Variants in BTBD16 observed in about 807,000 individuals in gnomAD.
BTBD16 encodes BTB/POZ domain-containing protein 16.
Under a neutral mutation model 67.4 loss-of-function variants are expected in BTBD16, and 66 were observed. The ratio of observed to expected loss-of-function variants is 0.98; its 90% confidence interval spans 0.80 to 1.20. The LOEUF (loss-of-function observed/expected upper bound fraction) is 1.20, where lower values mean the gene tolerates loss of function less well. BTBD16 is among the 50% of genes most tolerant of loss of function. The probability of loss-of-function intolerance (pLI) is 0.00; values close to 1 mark genes in which losing one functional copy is unlikely to be tolerated. For synonymous variants in BTBD16, 242 were observed against 236.4 expected (o/e 1.02, Z -0.22); for missense variants, 634 against 616.0 (o/e 1.03, Z -0.31).
intron 10 of BTBD16, among the ~76,000 whole-genome samples, chr10:122,310,782 T>G (rs2096412436): frequency 6.6e-6 from 1 of 152,204 alleles, no homozygotes; most frequent in Non-Finnish European, 1.5e-5. Context: ...CGTCACATTA[T>G]GGGAACTGAC....
At chr10:122,287,095 C>T (rs1428509463) in intron 5 of BTBD16, among the ~76,000 whole-genome samples, 1 of 152,246 alleles carries the variant, frequency 6.6e-6, no homozygotes, top group Non-Finnish European at 1.5e-5. Context: ...GAGAGCCCCA[C>T]TGCCTGCGGG....
intron 1 of BTBD16, among the ~76,000 whole-genome samples, chr10:122,272,943 C>T (rs1027810002): frequency 3.3e-5 from 5 of 152,000 alleles, no homozygotes; most frequent in African/African-American, 1.2e-4. Context: ...TAAAAGAATG[C>T]TCAACCCCAC....
At chr10:122,305,341 A>G (rs2096401805) in intron 9 of BTBD16, among the ~76,000 whole-genome samples, 1 of 152,160 alleles carries the variant, frequency 6.6e-6, no homozygotes, top group South Asian at 2.1e-4. Flanking sequence ...AGTGTTGGAG[A>G]TGGGACCTGG....
intron 3 of BTBD16, among the ~76,000 whole-genome samples, chr10:122,280,382 C>T (rs1442095910): frequency 6.6e-6 from 1 of 151,838 alleles, no homozygotes; most frequent in Non-Finnish European, 1.5e-5. Context: ...GGAGGGGGCA[C>T]CCCCACGAAG....
chr10:122,332,031 T>A (rs186879282), intron 12 of BTBD16: 2 of 178,940 alleles, frequency 1.1e-5, no homozygotes, highest in African/African-American at 4.7e-5. Flanking sequence ...TCTGCCCACC[T>A]CCTTCCTTTT....
At chr10:122,311,854 C>T (rs773445591) in intron 10 of BTBD16, among the ~76,000 whole-genome samples, 45 of 152,220 alleles carry the variant, frequency 3.0e-4, no homozygotes, top group Non-Finnish European at 3.2e-4. Context: ...AATACATCTT[C>T]CCTTTTCTTG....
chr10:122,324,064 C>A (rs2096440038), intron 10 of BTBD16, among the ~76,000 whole-genome samples: 1 of 152,176 alleles, frequency 6.6e-6, no homozygotes, highest in Non-Finnish European at 1.5e-5. Context: ...ATGATCCCAA[C>A]TTCTAGATTC....
At chr10:122,285,791 G>A (rs770304271) in intron 4 of BTBD16, among the ~76,000 whole-genome samples, 9 of 152,152 alleles carry the variant, frequency 5.9e-5, no homozygotes, top group Non-Finnish European at 1.0e-4. Flanking sequence ...GTTCCATGAA[G>A]CTTTTCCTCA....
chr10:122,338,141 T>A lies in BTBD16; in HGVS notation c.*56T>A. 3 of 1,363,976 alleles carry A rather than the reference T, an allele frequency of 2.2e-6. No homozygotes were observed. The highest frequency in any genetic ancestry group is 3.1e-6 in the Non-Finnish European group (3 of 964,166). The allele number at this position is 1,363,976 out of a possible 1,614,324, so 84.5% of individuals were successfully genotyped here. A position where few individuals can be genotyped will look rare whatever the true frequency, so the allele number is the denominator to read the frequency against. On this transcript the variant is annotated 3_prime_UTR_variant, in exon 16 of 16. Transcript: ENST00000260723. ...CCCCACTGGTCTGCATAAAAGAAAA[T>A]AAAATGACATAAAAGGGAGCACTCA...
intron 3 of BTBD16, among the ~76,000 whole-genome samples, chr10:122,280,493 T>A (rs1249396083): frequency 6.6e-6 from 1 of 152,052 alleles, no homozygotes; most frequent in Non-Finnish European, 1.5e-5. Context: ...CAATGCCAAG[T>A]CCATTCAAGG....
At chr10:122,311,995 C>T (rs2096414532) in intron 10 of BTBD16, among the ~76,000 whole-genome samples, 1 of 152,214 alleles carries the variant, frequency 6.6e-6, no homozygotes, top group South Asian at 2.1e-4. Context: ...TAGGATATTT[C>T]ATTATATGAT....
chr10:122,302,078 G>A (rs1456790420), intron 9 of BTBD16, among the ~76,000 whole-genome samples: 1 of 152,070 alleles, frequency 6.6e-6, no homozygotes, highest in Admixed American at 6.5e-5. Context: ...CCAGCTGTGG[G>A]GCCAATTCCC....
intron 10 of BTBD16, among the ~76,000 whole-genome samples, chr10:122,326,413 C>T (rs1385531927): frequency 2.0e-5 from 3 of 152,188 alleles, no homozygotes; most frequent in African/African-American, 7.2e-5. Context: ...CTAGGTACCT[C>T]ATAGAGTAGA....
At chr10:122,290,983 C>T (rs1418479080) in intron 6 of BTBD16, 97 bp from the exon 7 acceptor site, 1 of 1,408,510 alleles carries the variant, frequency 7.1e-7, no homozygotes, top group African/African-American at 1.5e-5. Context: ...TCTAAGGGCA[C>T]CTCTGCCTGC....
At position 122,337,187 on chromosome 10, in the gene BTBD16, A is replaced by G. The variant is rs571915024; in HGVS notation, c.1452+505A>G. On this transcript the variant is annotated intron_variant, in intron 15 of 15. Coordinates refer to ENST00000260723, the MANE Select transcript of BTBD16 (RefSeq NM_144587.5). ...AATAAGACTTTGCTACAAGCCAGTGAGTAATTCCTGGTCCTGATTGCACAT... is the reference window on the plus strand; with the variant it reads ...AATAAGACTTTGCTACAAGCCAGTGGGTAATTCCTGGTCCTGATTGCACAT... Among the ~76,000 whole-genome samples the G allele has an allele frequency of 2.0e-5, 3 of 152,334 alleles. No individual in the cohort carries two copies. The South Asian group carries it at 6.2e-4, about 32-fold the overall frequency.
At chr10:122,292,858 T>TTA (rs1404851131) in intron 7 of BTBD16, among the ~76,000 whole-genome samples, 1 of 152,244 alleles carries the variant, frequency 6.6e-6, no homozygotes, top group East Asian at 1.9e-4. Context: ...TCAAGCAAAA[T>TTA]TAGTATCTAT....
intron 14 of BTBD16, among the ~76,000 whole-genome samples, chr10:122,336,230 C>A (rs893869787): frequency 1.3e-5 from 2 of 152,164 alleles, no homozygotes; most frequent in Non-Finnish European, 2.9e-5. Context: ...TTAATTCTGG[C>A]AAAGGCATCA....
intron 12 of BTBD16, 58 bp downstream of exon 12, chr10:122,331,316 G>GT: frequency 8.8e-6 from 14 of 1,596,540 alleles, no homozygotes; most frequent in Non-Finnish European, 1.2e-5. Context: ...CTCTGACTTT[G>GT]TTTTTTCTGG....
At chr10:122,288,390 G>A (rs1261616474) in intron 5 of BTBD16, among the ~76,000 whole-genome samples, 4 of 152,194 alleles carry the variant, frequency 2.6e-5, no homozygotes, top group South Asian at 2.1e-4. Flanking sequence ...GCCAGGTGAC[G>A]GATGACAGCG....
Sources: allele counts gnomAD v4.1 joint callset (sites outside exome capture counted in the v4.1 genomes callset), GRCh38; gene constraint gnomAD v4.1.1; transcripts MANE v1.5; gene names NCBI Gene and HGNC (gene_info 2026-07-23, HGNC 2026-07-21).